The following FOXP1 variants were observed in gnomAD, a reference collection of about 807,000 sequenced individuals.
FOXP1 encodes forkhead box P1.
FOXP1 carries 15 observed loss-of-function variants against 98.2 expected under a neutral mutation model. The ratio of observed to expected loss-of-function variants is 0.15; its 90% CI spans 0.10 to 0.24. FOXP1 has a LOEUF of 0.24. FOXP1 is among the 10% of genes least tolerant of loss of function. The probability of loss-of-function intolerance (pLI) is 1.00; values close to 1 mark genes in which losing one functional copy is unlikely to be tolerated. For synonymous variants in FOXP1, 371 were observed against 314.5 expected, an observed-to-expected ratio of 1.18 and a Z score of -1.90; for missense variants, 633 against 848.5, an observed-to-expected ratio of 0.75 and a Z score of 3.15.
intron 2 of FOXP1, among the ~76,000 whole-genome samples, chr3:71,569,791 T>G (rs1252508626): frequency 6.6e-6 from 1 of 151,706 alleles, no homozygotes; most frequent in East Asian, 1.9e-4. Context: ...CTTTCTTTTT[T>G]TTTTTTTTTG....
At chr3:71,320,319 T>C (rs1349759736) in intron 4 of FOXP1, among the ~76,000 whole-genome samples, 1 of 152,006 alleles carries the variant, frequency 6.6e-6, no homozygotes, top group Non-Finnish European at 1.5e-5. Context: ...TGCTGGATGT[T>C]AGCCGCTGCT....
chr3:71,398,242 A>G (rs1479283487), intron 3 of FOXP1, among the ~76,000 whole-genome samples: 1 of 152,158 alleles, frequency 6.6e-6, no homozygotes, highest in African/African-American at 2.4e-5. Context: ...GATGTGTGCA[A>G]TATGTATGTC....
At chr3:71,406,792 C>T (rs561920468) in intron 3 of FOXP1, among the ~76,000 whole-genome samples, 2 of 152,012 alleles carry the variant, frequency 1.3e-5, no homozygotes, top group African/African-American at 2.4e-5. Flanking sequence ...AGATCAGGAT[C>T]GCAGGCAAAA....
At chr3:70,960,841 ATTTTTT>A (rs549719513) in intron 20 of FOXP1, among the ~76,000 whole-genome samples, 2 of 137,260 alleles carry the variant, frequency 1.5e-5, no homozygotes, top group African/African-American at 2.8e-5. Context: ...TAAAAAAATA[ATTTTTT>A]TTTTTTTTTT....
intron 6 of FOXP1, among the ~76,000 whole-genome samples, chr3:71,158,842 A>C (rs1279658767): frequency 1.3e-5 from 2 of 152,080 alleles, no homozygotes; most frequent in East Asian, 3.9e-4. Context: ...AAGGTGGCTC[A>C]TGCCTGTAAT....
chr3:71,034,465 C>T (rs919149307), intron 11 of FOXP1, among the ~76,000 whole-genome samples: 1 of 151,790 alleles, frequency 6.6e-6, no homozygotes, highest in Non-Finnish European at 1.5e-5. Flanking sequence ...CATTCTGGGC[C>T]CCAGCTGCAC....
At chr3:71,472,447 T>C (rs930806962) in intron 3 of FOXP1, among the ~76,000 whole-genome samples, 2 of 152,198 alleles carry the variant, frequency 1.3e-5, no homozygotes, top group African/African-American at 4.8e-5. Flanking sequence ...TTTCCTTTTT[T>C]TTTTTCTATG....
chr3:70,970,948 C>G, intron 18 of FOXP1, 143 bp from the exon 19 acceptor site: 2 of 703,224 alleles, frequency 2.8e-6, no homozygotes, highest in Non-Finnish European at 5.2e-6. Flanking sequence ...CAGGCTTTCT[C>G]CCCGTCACTG....
At chr3:71,077,678 G>A (rs2053943733) in intron 7 of FOXP1, among the ~76,000 whole-genome samples, 1 of 152,134 alleles carries the variant, frequency 6.6e-6, no homozygotes, top group Non-Finnish European at 1.5e-5. Context: ...AAATGCCGTT[G>A]TACATAACCC....
intron 3 of FOXP1, among the ~76,000 whole-genome samples, chr3:71,399,758 G>T (rs1010568454): frequency 2.6e-5 from 4 of 152,112 alleles, no homozygotes; most frequent in Non-Finnish European, 4.4e-5. Context: ...ACATTAGCAG[G>T]GGCAATTTTA....
At chr3:71,299,462 CTT>C (rs1414006579) in intron 5 of FOXP1, among the ~76,000 whole-genome samples, 1 of 152,210 alleles carries the variant, frequency 6.6e-6, no homozygotes, top group Non-Finnish European at 1.5e-5. Context: ...ATGCGTTACT[CTT>C]GTTTGCAGCA....
At chr3:70,977,515 A>T in intron 16 of FOXP1, 128 bp downstream of exon 16, 1 of 765,782 alleles carries the variant, frequency 1.3e-6, no homozygotes, top group Non-Finnish European at 2.2e-6. Context: ...TTGCAGTTTT[A>T]AAAAACCTTA....
At chr3:71,446,542 C>T (rs895539820) in intron 3 of FOXP1, among the ~76,000 whole-genome samples, 2 of 96,278 alleles carry the variant, frequency 2.1e-5, no homozygotes, top group African/African-American at 6.1e-5. Context: ...TGCTGCCACA[C>T]ACTGAAAAAA....
chr3:71,104,268 C>T (rs1323507264), intron 7 of FOXP1, among the ~76,000 whole-genome samples: 1 of 152,122 alleles, frequency 6.6e-6, no homozygotes, highest in Non-Finnish European at 1.5e-5. Context: ...TAAGGAAACT[C>T]GAGCCATCTT....
At chr3:71,115,786 G>C (rs941402872) in intron 6 of FOXP1, among the ~76,000 whole-genome samples, 1 of 147,492 alleles carries the variant, frequency 6.8e-6, no homozygotes, top group Admixed American at 6.8e-5. Context: ...GCCCAGGCTG[G>C]AGTGCAGTAG....
chr3:71,238,825 C>T (rs1560167801), intron 5 of FOXP1, among the ~76,000 whole-genome samples: 3 of 152,030 alleles, frequency 2.0e-5, no homozygotes, highest in African/African-American at 2.4e-5. Flanking sequence ...GGGAGGGACC[C>T]GGGAAGAGGA....
At chr3:71,420,344 A>T (rs2083538040) in intron 3 of FOXP1, among the ~76,000 whole-genome samples, 1 of 152,182 alleles carries the variant, frequency 6.6e-6, no homozygotes, top group South Asian at 2.1e-4. Flanking sequence ...ATGGAAGGTG[A>T]TGAGACTAAT....
Position 71,513,724 on chromosome 3 carries a change from G to A in FOXP1, c.-297-20169C>T, listed in dbSNP as rs73837397. Among the ~76,000 whole-genome samples the A allele has an allele frequency of 5.8e-3, 880 of 152,262 alleles. 10 individuals carry two copies. The highest frequency in any genetic ancestry group is 0.02 in the African/African-American group (832 of 41,544). On this transcript the variant is annotated intron_variant, in intron 2 of 20. Coordinates refer to ENST00000649528, the MANE Select transcript of FOXP1 (RefSeq NM_001349338.3). ...AACTGAATCACTCTGAGGGCCTGGA[G>A]GATAAAGGCACTCAGGGCACATAGC... is the stretch of plus-strand genomic sequence containing the variant.
chr3:71,429,152 C>T (rs975781725), intron 3 of FOXP1, among the ~76,000 whole-genome samples: 1 of 152,072 alleles, frequency 6.6e-6, no homozygotes, highest in African/African-American at 2.4e-5. Context: ...TCATGCTCTG[C>T]ATGGCCCATG....
Sources: allele counts gnomAD v4.1 joint callset (sites outside exome capture counted in the v4.1 genomes callset), GRCh38; gene constraint gnomAD v4.1.1; transcripts MANE v1.5; gene names NCBI Gene and HGNC (gene_info 2026-07-23, HGNC 2026-07-21).